Variants in CDK19 observed in about 807,000 individuals in gnomAD.
CDK19 encodes the protein cyclin-dependent kinase 19.
In CDK19, 20 loss-of-function variants were observed where a neutral mutation model predicts 68.3. The ratio of observed to expected loss-of-function variants is 0.29; its 90% confidence interval spans 0.21 to 0.43. CDK19 has a LOEUF of 0.43. Ranked by LOEUF, CDK19 falls within the 20% of genes least tolerant of loss-of-function variation. The pLI is 1.00. For synonymous variants in CDK19, 221 were observed against 222.8 expected (o/e 0.99, Z 0.07); for missense variants, 339 against 623.5 (o/e 0.54, Z 4.86).
At chr6:110,700,191 C>A (rs1773875120) in intron 2 of CDK19, among the ~76,000 whole-genome samples, 1 of 152,206 alleles carries the variant, frequency 6.6e-6, no homozygotes. Context: ...CAGATAGAAT[C>A]ATCTTGTTGC....
chr6:110,759,514 G>C (rs1048079929), intron 1 of CDK19, among the ~76,000 whole-genome samples: 1 of 147,440 alleles, frequency 6.8e-6, no homozygotes, highest in Non-Finnish European at 1.5e-5. Flanking sequence ...GCAGCAGTAG[G>C]ATAGCTTGAT....
chr6:110,774,318 C>T (rs1310300475), intron 1 of CDK19, among the ~76,000 whole-genome samples: 1 of 152,188 alleles, frequency 6.6e-6, no homozygotes, highest in Non-Finnish European at 1.5e-5. Context: ...ATGGGGAATA[C>T]GTTCCAAGAC....
chr6:110,650,104 A>T (rs1780870011), intron 4 of CDK19, among the ~76,000 whole-genome samples: 2 of 152,238 alleles, frequency 1.3e-5, no homozygotes, highest in Non-Finnish European at 2.9e-5. Context: ...TCTTAGAAGC[A>T]TTATGTTGGG....
At chr6:110,619,368 G>A (rs1270925386) in intron 12 of CDK19, among the ~76,000 whole-genome samples, 1 of 152,094 alleles carries the variant, frequency 6.6e-6, no homozygotes, top group African/African-American at 2.4e-5. Context: ...GGCAGTCAAG[G>A]TTTTAACCAA....
chr6:110,762,161 T>C (rs1346966716), intron 1 of CDK19, among the ~76,000 whole-genome samples: 3 of 152,216 alleles, frequency 2.0e-5, no homozygotes, highest in Non-Finnish European at 4.4e-5. Context: ...AGGATCCTCA[T>C]TGAAAATAAA....
intron 2 of CDK19, among the ~76,000 whole-genome samples, chr6:110,689,320 C>T (rs1260671592): frequency 1.3e-5 from 2 of 152,132 alleles, no homozygotes; most frequent in African/African-American, 4.8e-5. Flanking sequence ...CCTCCACCCA[C>T]CCTGGTAGCT....
intron 2 of CDK19, among the ~76,000 whole-genome samples, chr6:110,680,905 G>A (rs560758461): frequency 3.3e-4 from 51 of 152,278 alleles, no homozygotes; most frequent in African/African-American, 1.1e-3. Context: ...GCTGAGGCAG[G>A]AGAATCACTT....
At position 110,621,730 on chromosome 6, in the gene CDK19, T is replaced by C. The variant is rs934541779; in HGVS notation, c.1110+358A>G. ...TCGTGATTCTGGAAAGGCAGAGCGG[T>C]CTGGAGAGTGAGCCAATATATCCAG... is the stretch of plus-strand genomic sequence containing the variant. On this transcript the variant is annotated intron_variant, in intron 11 of 12. Coordinates refer to ENST00000368911, the MANE Select transcript of CDK19 (RefSeq NM_015076.5). The surrounding 1 kb of genome is among the most constrained non-coding windows in gnomAD (Gnocchi z 5.4). Among the ~76,000 whole-genome samples, 2 of 152,212 alleles carry C rather than the reference T, an allele frequency of 1.3e-5. No homozygotes were observed. The highest frequency in any genetic ancestry group is 4.8e-5 in the African/African-American group (2 of 41,454).
At chr6:110,773,129 G>A (rs1035961165) in intron 1 of CDK19, among the ~76,000 whole-genome samples, 4 of 151,364 alleles carry the variant, frequency 2.6e-5, no homozygotes, top group African/African-American at 7.3e-5. Flanking sequence ...GGCAGATCAC[G>A]AGGTCAAGAG....
intron 1 of CDK19, among the ~76,000 whole-genome samples, chr6:110,808,878 T>A (rs1433627883): frequency 6.6e-6 from 1 of 152,106 alleles, no homozygotes; most frequent in Non-Finnish European, 1.5e-5. Flanking sequence ...TTCTCAAAAA[T>A]ATGCCTATTT....
intron 2 of CDK19, among the ~76,000 whole-genome samples, chr6:110,723,163 C>T (rs1449878764): frequency 1.1e-5 from 1 of 91,850 alleles, no homozygotes; most frequent in East Asian, 2.7e-4. Context: ...AAAAAAAAAA[C>T]GCAGATTTGT....
At chr6:110,654,492 G>A (rs945869864) in intron 4 of CDK19, among the ~76,000 whole-genome samples, 1 of 152,176 alleles carries the variant, frequency 6.6e-6, no homozygotes, top group Non-Finnish European at 1.5e-5. Flanking sequence ...AACTTTATAC[G>A]TCTGCTGAGA....
intron 3 of CDK19, among the ~76,000 whole-genome samples, chr6:110,669,416 G>A (rs932038997): frequency 2.6e-5 from 4 of 152,138 alleles, no homozygotes; most frequent in Non-Finnish European, 5.9e-5. Context: ...GGTCAAAGGT[G>A]CAGTGAACCA....
At chr6:110,677,203 G>A (rs993572725) in intron 2 of CDK19, among the ~76,000 whole-genome samples, 9 of 152,104 alleles carry the variant, frequency 5.9e-5, no homozygotes, top group African/African-American at 2.2e-4. Context: ...ACTATGAACA[G>A]GTCTAAGGAA....
intron 2 of CDK19, among the ~76,000 whole-genome samples, chr6:110,681,978 A>G (rs1035609376): frequency 2.0e-5 from 3 of 152,182 alleles, no homozygotes; most frequent in East Asian, 3.9e-4. Context: ...CTTTCTCTAG[A>G]TCCTGACTCA....
rs767172974 is a variant in CDK19, at chr6:110,669,993, A to T, written c.315+438T>A. Reference sequence around the variant, plus strand: ...ACCAACATGGAGAAACCCCGTCTCTACTAAAAATACAAAATTAGCCAGGCA... The same window carrying T: ...ACCAACATGGAGAAACCCCGTCTCTTCTAAAAATACAAAATTAGCCAGGCA... On this transcript the variant is annotated intron_variant, in intron 3 of 12. Coordinates refer to ENST00000368911, the MANE Select transcript of CDK19 (RefSeq NM_015076.5). Among the ~76,000 whole-genome samples, 135 of 152,180 alleles carry T rather than the reference A, an allele frequency of 8.9e-4. 1 individual carries two copies. The highest frequency in any genetic ancestry group is 6.2e-4 in the Non-Finnish European group (42 of 68,028).
chr6:110,678,078 C>T (rs1389855896), intron 2 of CDK19, among the ~76,000 whole-genome samples: 3 of 152,040 alleles, frequency 2.0e-5, no homozygotes, highest in Admixed American at 6.6e-5. Flanking sequence ...GAGCTTCTGG[C>T]TTCAAGTGAT....
At chr6:110,617,662 TACACACACACACACACACACACAC>T (rs561387463) in intron 12 of CDK19, among the ~76,000 whole-genome samples, 3 of 107,158 alleles carry the variant, frequency 2.8e-5, no homozygotes, top group African/African-American at 7.7e-5. Flanking sequence ...TATATATATA[TACACACACACACACACACACACAC>T]ACACACACAC....
At chr6:110,756,294 G>A (rs540022051) in intron 1 of CDK19, among the ~76,000 whole-genome samples, 123 of 152,060 alleles carry the variant, frequency 8.1e-4, no homozygotes, top group African/African-American at 3.0e-3. Flanking sequence ...GGAGGCTAAG[G>A]CAGGAGAATT....
Sources: allele counts gnomAD v4.1 joint callset (sites outside exome capture counted in the v4.1 genomes callset), GRCh38; gene constraint gnomAD v4.1.1; non-coding constraint Gnocchi (gnomAD v3.1); transcripts MANE v1.5; gene names NCBI Gene and HGNC (gene_info 2026-07-23, HGNC 2026-07-21).